NCALD: variants seen among roughly 807,000 people sequenced by gnomAD.
NCALD encodes neurocalcin-delta.
Under a neutral mutation model 18.6 loss-of-function variants are expected in NCALD, and 10 were observed. The ratio of observed to expected loss-of-function variants is 0.54; its 90% confidence interval spans 0.33 to 0.91. The LOEUF (loss-of-function observed/expected upper bound fraction) is 0.91, where lower values mean the gene tolerates loss of function less well. NCALD is among the 40% of genes least tolerant of loss of function. The probability of loss-of-function intolerance (pLI) is 0.03; values close to 1 mark genes in which losing one functional copy is unlikely to be tolerated. For synonymous variants in NCALD, 88 were observed against 87.4 expected, an observed-to-expected ratio of 1.01 and a Z score of -0.04; for missense variants, 184 against 247.6, an observed-to-expected ratio of 0.74 and a Z score of 1.72.
intron 2 of NCALD, among the ~76,000 whole-genome samples, chr8:101,965,767 A>T (rs952993742): frequency 5.3e-5 from 8 of 152,316 alleles, no homozygotes; most frequent in East Asian, 1.9e-4. Flanking sequence ...GTATAATTTT[A>T]AAAAATGTTT....
chr8:102,011,997 C>A (rs978195904), intron 2 of NCALD, among the ~76,000 whole-genome samples: 2 of 152,182 alleles, frequency 1.3e-5, no homozygotes, highest in African/African-American at 2.4e-5. Flanking sequence ...CCTGAAATAT[C>A]TCATTTCAGG....
intron 2 of NCALD, among the ~76,000 whole-genome samples, chr8:102,015,912 C>T (rs528931062): frequency 1.3e-4 from 20 of 152,256 alleles, no homozygotes; most frequent in African/African-American, 4.8e-4. Context: ...AGCTTGTTCC[C>T]AGGGTTCTGC....
chr8:101,773,248 C>A (rs915232560), intron 1 of NCALD, among the ~76,000 whole-genome samples: 6 of 152,112 alleles, frequency 3.9e-5, no homozygotes, highest in African/African-American at 7.2e-5. Flanking sequence ...CAGTCATGAT[C>A]CTGAGGCAGC....
chr8:101,797,262 G>A (rs1301616893), intron 4 of NCALD, among the ~76,000 whole-genome samples: 1 of 152,102 alleles, frequency 6.6e-6, no homozygotes, highest in African/African-American at 2.4e-5. Flanking sequence ...AATTTAAAAA[G>A]TTCTATATAC....
chr8:102,114,131 C>T (rs1054058474), intron 1 of NCALD, among the ~76,000 whole-genome samples: 6 of 152,210 alleles, frequency 3.9e-5, no homozygotes, highest in South Asian at 2.1e-4. Flanking sequence ...GGCTGTCATT[C>T]GCTCATTTTA....
At chr8:102,043,864 G>A (rs1484424720) in intron 1 of NCALD, among the ~76,000 whole-genome samples, 1 of 151,856 alleles carries the variant, frequency 6.6e-6, no homozygotes, top group Non-Finnish European at 1.5e-5. Flanking sequence ...ACTGCTCGTT[G>A]TCTTTGCTTC....
chr8:101,692,661 T>G, intron 3 of NCALD, 130 bp downstream of exon 3: 3 of 1,379,724 alleles, frequency 2.2e-6, no homozygotes, highest in Non-Finnish European at 2.9e-6. Context: ...TCTCCCCTCC[T>G]ACCCACCCAG....
chr8:101,783,785 C>T (rs1812111657), intron 1 of NCALD, among the ~76,000 whole-genome samples: 1 of 152,200 alleles, frequency 6.6e-6, no homozygotes. Context: ...CAAATCTTTT[C>T]CTAGAACCAG....
At chr8:101,906,108 A>G (rs772482189) in intron 3 of NCALD, among the ~76,000 whole-genome samples, 14 of 152,180 alleles carry the variant, frequency 9.2e-5, no homozygotes, top group Non-Finnish European at 2.1e-4. Context: ...TAATATGTCT[A>G]TGATGTCAAA....
intron 2 of NCALD, among the ~76,000 whole-genome samples, chr8:102,015,478 T>G (rs1822051908): frequency 1.3e-5 from 2 of 152,220 alleles, no homozygotes; most frequent in Admixed American, 1.3e-4. Context: ...TTTCCATTCA[T>G]TTTTGACTGG....
At chr8:101,734,648 G>A (rs1429830156) in intron 1 of NCALD, among the ~76,000 whole-genome samples, 1 of 152,156 alleles carries the variant, frequency 6.6e-6, no homozygotes, top group East Asian at 1.9e-4. Flanking sequence ...TTCCTTGTTG[G>A]ACACAGCTCT....
intron 1 of NCALD, among the ~76,000 whole-genome samples, chr8:101,741,816 G>A (rs2130699440): frequency 6.7e-6 from 1 of 150,078 alleles, no homozygotes; most frequent in South Asian, 2.1e-4. Flanking sequence ...ATGCATCTGT[G>A]GTCTCAGCTA....
chr8:102,080,321 C>G (rs374426993), intron 1 of NCALD, among the ~76,000 whole-genome samples: 1 of 152,184 alleles, frequency 6.6e-6, no homozygotes, highest in Non-Finnish European at 1.5e-5. Context: ...TTGACAGCTT[C>G]CTACAAGCAT....
intron 1 of NCALD, among the ~76,000 whole-genome samples, chr8:102,039,182 A>C (rs964479686): frequency 3.3e-5 from 5 of 152,042 alleles, no homozygotes; most frequent in African/African-American, 9.7e-5. Flanking sequence ...TCAGCAGAGG[A>C]CCTAGCTAGC....
At position 101,716,995 on chromosome 8, in the gene NCALD, C is replaced by A. The variant is rs575691185; in HGVS notation, c.378+2257G>T. 8.5e-4 allele frequency among the ~76,000 whole-genome samples: 129 copies of A among 152,176 alleles called. 1 individual carries two copies. The Middle Eastern group carries it at 0.01, about 12-fold the overall frequency. On this transcript the variant is annotated intron_variant, in intron 2 of 3. Coordinates refer to ENST00000220931, the MANE Select transcript of NCALD (RefSeq NM_032041.3). ...CCAACAGCCTCCAGAAGGAACACAC[C>A]CCTGAGGAAACCTTAATTTTAGCCC...
chr8:101,967,240 C>G (rs143561924), intron 2 of NCALD, among the ~76,000 whole-genome samples: 42 of 152,248 alleles, frequency 2.8e-4, no homozygotes, highest in South Asian at 1.2e-3. Context: ...TAAACCACAA[C>G]GGAAGTTGCC....
intron 3 of NCALD, among the ~76,000 whole-genome samples, chr8:101,905,214 T>C (rs1243556576): frequency 6.6e-6 from 1 of 152,206 alleles, no homozygotes; most frequent in Non-Finnish European, 1.5e-5. Flanking sequence ...CCATGGCTTC[T>C]ATGATTATCT....
At chr8:102,022,288 C>T (rs1822303085) in intron 1 of NCALD, among the ~76,000 whole-genome samples, 1 of 152,004 alleles carries the variant, frequency 6.6e-6, no homozygotes, top group Admixed American at 6.5e-5. Flanking sequence ...CCCCACAGAA[C>T]TGAATAATCC....
At position 101,737,303 on chromosome 8, in the gene NCALD, C is replaced by T. The variant is rs1401772153; in HGVS notation, c.-19-17655G>A. 2.0e-5 allele frequency among the ~76,000 whole-genome samples: 3 copies of T among 152,182 alleles called. No homozygotes were observed. The East Asian group carries it at 5.8e-4, about 29-fold the overall frequency. On this transcript the variant is annotated intron_variant, in intron 1 of 3. Transcript: ENST00000220931. ...GGGTCTATGTTGCCCATGCTGCTCT[C>T]AACTTCATTTCCTGTCACTGCTACC... is the stretch of plus-strand genomic sequence containing the variant.
Sources: allele counts gnomAD v4.1 joint callset (sites outside exome capture counted in the v4.1 genomes callset), GRCh38; gene constraint gnomAD v4.1.1; transcripts MANE v1.5; gene names NCBI Gene and HGNC (gene_info 2026-07-23, HGNC 2026-07-21).